Variants in NACA observed in about 807,000 individuals in gnomAD.
The protein encoded by NACA is nascent polypeptide associated complex subunit alpha, also known as nascent polypeptide-associated complex subunit alpha.
In NACA, 42 loss-of-function variants were observed where a neutral mutation model predicts 86.4. The ratio of observed to expected loss-of-function variants is 0.49; its 90% CI spans 0.38 to 0.63. NACA has a LOEUF of 0.63. Among genes scored for constraint, NACA ranks in the 20% least tolerant of loss-of-function variants. The probability of loss-of-function intolerance (pLI) is 0.00; values close to 1 mark genes in which losing one functional copy is unlikely to be tolerated. For synonymous variants in NACA, 898 were observed against 973.7 expected, an observed-to-expected ratio of 0.92 and a Z score of 1.45; for missense variants, 2,157 against 2,483.6, an observed-to-expected ratio of 0.87 and a Z score of 2.80.
Position 56,717,338 on chromosome 12 carries a change from G to A in NACA, c.4192C>T (p.Pro1398Ser), listed in dbSNP as rs745686231. 8 of 1,360,324 alleles carry A rather than the reference G, an allele frequency of 5.9e-6. No individual in the cohort carries two copies. The highest frequency in any genetic ancestry group is 3.0e-5 in the African/African-American group (2 of 67,298). 84.3% of individuals were successfully genotyped at this position (1,360,324 alleles called of 1,614,324 possible). A position where few individuals can be genotyped will look rare whatever the true frequency, so the allele number is the denominator to read the frequency against. The change falls in exon 3 of 9, where the codon CCC becomes TCC. Residue 1398 changes from proline to serine, a missense_variant. Physicochemically the swap from Pro to Ser is moderately conservative, Grantham distance 74. This residue lies in a region of NACA where 797 missense variants were observed against 777.6 expected (regional missense o/e 1.02). Transcript: ENST00000454682. ...SPKRGPAIPSPKGDPTSPAVI... is the reference protein window; with the variant it reads ...SPKRGPAIPSSKGDPTSPAVI... ...GCTGGGGAAGTGGGGTCCCCTTTGG[G>A]AGATGGGATAGCTGGTCCTCTTTTG...
intron 6 of NACA, 147 bp from the exon 7 acceptor site, chr12:56,713,337 G>GT (rs1953266701): frequency 1.9e-5 from 23 of 1,241,594 alleles, no homozygotes; most frequent in Non-Finnish European, 2.2e-5. Flanking sequence ...AAGAGTAGTT[G>GT]TTTAGGTTTA....
In NACA at chr12:56,719,768, C is replaced by G. The variant is rs200942655; in HGVS notation, c.1762G>C (p.Ala588Pro). The change falls in exon 3 of 9, where the codon GCC becomes CCC. Residue 588 changes from alanine (A) to proline (P), a missense_variant. Ala to Pro is a conservative substitution (Grantham distance 27). Around this residue, in one of 8 missense-constraint regions of NACA, gnomAD observed 947 missense variants for 917.9 expected, o/e 1.03. Transcript: ENST00000454682. ...CCAAGGCTTTTCTTTGCTAGGGTGG[C>G]TTCAGGAGAAAGAGGTATCTCTGGA... is the stretch of plus-strand genomic sequence containing the variant. ...SSPEIPLSPEATLAKKSLGEP... is the reference protein window; with the variant it reads ...SSPEIPLSPEPTLAKKSLGEP... 203 of 1,613,806 alleles carry G rather than the reference C, an allele frequency of 1.3e-4. No homozygotes were observed. In the African/African-American group the frequency reaches 2.0e-3, roughly 16 times the overall value.
chr12:56,720,304 G>A lies in NACA; in HGVS notation c.1226C>T (p.Pro409Leu), dbSNP rs371470990. 5.6e-5 allele frequency: 90 copies of A among 1,613,746 alleles called. No homozygotes were observed. The highest frequency in any genetic ancestry group is 7.5e-5 in the Non-Finnish European group (88 of 1,179,832). ...LNVATSFSLS[P>L]TTSLILKSSP... ...GCTTTTGAGAATGAGAGAGGTTGTA[G>A]GAGATAATGAAAAAGAGGTAGCTAC... Residue 409 changes from proline to leucine, a missense_variant, in exon 3 of 9, where the codon CCT becomes CTT. Pro to Leu is a moderately conservative substitution (Grantham distance 98). This residue lies in a region of NACA where 947 missense variants were observed against 917.9 expected (regional missense o/e 1.03). Transcript: ENST00000454682.
chr12:56,715,467 T>C (rs1046687420), intron 3 of NACA, among the ~76,000 whole-genome samples: 6 of 152,156 alleles, frequency 3.9e-5, no homozygotes, highest in African/African-American at 1.2e-4. Context: ...TAAATACAAA[T>C]AGTTCAATTC....
chr12:56,720,193 G>C lies in NACA; in HGVS notation c.1337C>G (p.Pro446Arg), dbSNP rs945790830. 2 of 1,613,978 alleles carry C rather than the reference G, an allele frequency of 1.2e-6. No homozygotes were observed. The highest frequency in any genetic ancestry group is 1.7e-6 in the Non-Finnish European group (2 of 1,179,894). ...AGTAGGTGCTGCAGCAATTGTACAG[G>C]GGTTAGTCACCACAAGTGGGGTGGT... is the stretch of plus-strand genomic sequence containing the variant. ...VGTTPLVVTN[P>R]CTIAAAPTTT... Residue 446 changes from proline (P) to arginine (R), a missense_variant, in exon 3 of 9, where the codon CCC becomes CGC. This residue lies in a region of NACA where 947 missense variants were observed against 917.9 expected (regional missense o/e 1.03). Transcript: ENST00000454682.
rs1000587627 is a variant in NACA at position 56,712,453 on chromosome 12, CTTTA to C, written c.*81_*84del. The C allele has an allele frequency of 1.2e-4, 168 of 1,406,650 alleles. No individual in the cohort carries two copies. The highest frequency in any genetic ancestry group is 1.6e-4 in the Non-Finnish European group (158 of 1,009,862). 87.1% of individuals were successfully genotyped at this position (1,406,650 alleles called of 1,614,324 possible). On this transcript the variant is annotated 3_prime_UTR_variant, in exon 9 of 9. Transcript: ENST00000454682. ...GAATTCATCCAACAAGAAGCCATAA[CTTTA>C]TTTATGATAGAAACAGTACAAATTT...
chr12:56,718,787 A>T lies in NACA; in HGVS notation c.2743T>A (p.Ser915Thr). The change falls in exon 3 of 9, where the codon TCT (serine) becomes ACT (threonine). Residue 915 changes from serine (S) to threonine (T), a missense_variant. By Grantham distance (58) the Ser-to-Thr change is moderately conservative. Transcript: ENST00000454682. Reference protein sequence around the residue: ...PKQAPALSMTSSSPKKARATP... With the variant: ...PKQAPALSMTTSSPKKARATP... ...GCTCGGGCCTTTTTGGGGGAGGAAG[A>T]AGTCATGGATAGAGCAGGAGCCTGT... 1 of 1,443,390 alleles carries T rather than the reference A, an allele frequency of 6.9e-7. No individual in the cohort carries two copies. Among genetic ancestry groups the T allele is most frequent in the Non-Finnish European group, 9.3e-7 (1 of 1,070,314 alleles). The allele number at this position is 1,443,390 out of a possible 1,614,324, so 89.4% of individuals were successfully genotyped here.
Position 56,717,471 on chromosome 12 carries a change from A to C in NACA, c.4059T>G (p.Thr1353=). 7.7e-7 allele frequency: 1 copy of C among 1,293,466 alleles called. No homozygotes were observed. 80.1% of individuals were successfully genotyped at this position (1,293,466 alleles called of 1,614,324 possible). A position where few individuals can be genotyped will look rare whatever the true frequency, so the allele number is the denominator to read the frequency against. The change falls in exon 3 of 9, where the codon ACT becomes ACG. Residue 1353 remains threonine, a synonymous_variant. Coordinates refer to ENST00000454682, the MANE Select transcript of NACA (RefSeq NM_001365896.1). Reference sequence around the variant, plus strand: ...TAGTTGGGCCTCCTTTAGAGGAGGGAGTTGTAGCTGGGAGAGTAGGGGTCC... The same window carrying C: ...TAGTTGGGCCTCCTTTAGAGGAGGGCGTTGTAGCTGGGAGAGTAGGGGTCC... The part of the protein sequence containing the change: ...PKGTPTLPAT[T]PSSKGGPTTP...
chr12:56,713,369 G>GGGTA (rs1400717873), intron 6 of NACA, 168 bp downstream of exon 6: 7 of 1,187,134 alleles, frequency 5.9e-6, no homozygotes, highest in Non-Finnish European at 8.2e-6. Flanking sequence ...CTCAACTAGG[G>GGGTA]GGTAGTTAGG....
intron 1 of NACA, chr12:56,725,052 G>C (rs1953678080): frequency 6.5e-6 from 1 of 152,954 alleles, no homozygotes; most frequent in Non-Finnish European, 1.5e-5. Context: ...CTGCAGGCTC[G>C]GATTCTGGGC....
chr12:56,722,145 A>G (rs138027303), intron 2 of NACA, among the ~76,000 whole-genome samples: 2 of 152,360 alleles, frequency 1.3e-5, no homozygotes, highest in East Asian at 3.9e-4. Flanking sequence ...ATCAAGTATT[A>G]AAGTCACTTA....
At position 56,720,043 on chromosome 12, in the gene NACA, TGAGTAGAAGGCTCTTTGG is replaced by T; in HGVS notation, c.1469_1486del (p.Pro490_Thr495del). ...TGGTATCCTCAGAGTGGTTGCTACT[TGAGTAGAAGGCTCTTTGG>T]GAGCCACAGGTGCCATAACCAAGGC... On this transcript the variant is annotated inframe_deletion, in exon 3 of 9. Transcript: ENST00000454682. 6.2e-7 allele frequency: 1 copy of T among 1,613,666 alleles called. No homozygotes were observed. The highest frequency in any genetic ancestry group is 8.5e-7 in the Non-Finnish European group (1 of 1,179,806).
intron 2 of NACA, among the ~76,000 whole-genome samples, chr12:56,723,105 G>A (rs916871693): frequency 6.6e-6 from 1 of 152,134 alleles, no homozygotes. Context: ...TCTTCTGACT[G>A]GACCTCAAAT....
chr12:56,719,402 C>A lies in NACA; in HGVS notation c.2128G>T (p.Val710Leu), dbSNP rs543390709. The A allele has an allele frequency of 6.2e-7, 1 of 1,611,924 alleles. No homozygotes were observed. The highest frequency in any genetic ancestry group is 1.3e-5 in the African/African-American group (1 of 74,888). The change falls in exon 3 of 9, where the codon GTG becomes TTG. Residue 710 changes from valine to leucine, a missense_variant. Physicochemically the swap from Val to Leu is conservative, Grantham distance 32 (BLOSUM62 1). Transcript: ENST00000454682. ...CAGGTATTCTGGGGGGATGGAGCCA[C>A]AGGGCAATTTTCTGAAGCTGTAGGA... ...LVPTASENCP[V>L]APSPQNTCAP... is the part of the protein sequence containing the mutation.
In NACA at chr12:56,720,863, T is replaced by C. The variant is rs372259757; in HGVS notation, c.667A>G (p.Ile223Val). The change falls in exon 3 of 9, where the codon ATT (isoleucine) becomes GTT (valine). Residue 223 changes from isoleucine to valine, a missense_variant. Ile to Val is a conservative substitution (Grantham distance 29, BLOSUM62 3). Coordinates refer to ENST00000454682, the MANE Select transcript of NACA (RefSeq NM_001365896.1). Reference protein sequence around the residue: ...PYHCVTPMASIQSGVASLPQT... With the variant: ...PYHCVTPMASVQSGVASLPQT... ...GGAAGGGAGGCCACTCCAGATTGAA[T>C]AGAGGCCATGGGAGTCACACAGTGG... The C allele has an allele frequency of 1.2e-4, 191 of 1,613,752 alleles. No individual in the cohort carries two copies. Among genetic ancestry groups the C allele is most frequent in the Non-Finnish European group, 1.5e-4 (182 of 1,179,858 alleles).
rs1449828929 is a variant in NACA at position 56,719,913 on chromosome 12, A to G, written c.1617T>C (p.Leu539=). 2.5e-6 allele frequency: 4 copies of G among 1,613,916 alleles called. No homozygotes were observed. The highest frequency in any genetic ancestry group is 3.4e-6 in the Non-Finnish European group (4 of 1,179,862). ...QKDLQTVPAS[L]EGAPFSPAQA... ...GGGCTGGAGAGAAAGGGGCTCCTTC[A>G]AGAGAGGCAGGTACAGTTTGGAGGT... The change falls in exon 3 of 9, where the codon CTT becomes CTC. Residue 539 remains leucine (L), a synonymous_variant. Coordinates refer to ENST00000454682, the MANE Select transcript of NACA (RefSeq NM_001365896.1).
chr12:56,718,905 G>C lies in NACA; in HGVS notation c.2625C>G (p.Pro875=). 1 of 1,430,994 alleles carries C rather than the reference G, an allele frequency of 7.0e-7. No homozygotes were observed. Among genetic ancestry groups the C allele is most frequent in the African/African-American group, 1.4e-5 (1 of 70,288 alleles). The allele number at this position is 1,430,994 out of a possible 1,614,324, so 88.6% of individuals were successfully genotyped here. A position where few individuals can be genotyped will look rare whatever the true frequency, so the allele number is the denominator to read the frequency against. The change falls in exon 3 of 9, where the codon CCC becomes CCG. Residue 875 remains proline (P), a synonymous_variant. Transcript: ENST00000454682. The part of the protein sequence containing the change: ...PTPSAVTPLS[P]KGVTLPPKET... ...CTTTGGGGGGTAGTGTTACTCCTTT[G>C]GGAGACAGAGGAGTCACAGCTGAGG...
At position 56,719,872 on chromosome 12, in the gene NACA, G is replaced by C; in HGVS notation, c.1658C>G (p.Thr553Ser). 6.2e-7 allele frequency: 1 copy of C among 1,613,916 alleles called. No individual in the cohort carries two copies. The highest frequency in any genetic ancestry group is 1.3e-5 in the African/African-American group (1 of 75,006). ...CGGTAATACAGTAGGGTCTTTCTTG[G>C]TGGTGAGTCCTGCTTGGGCTGGAGA... is the stretch of plus-strand genomic sequence containing the variant. Reference protein sequence around the residue: ...PFSPAQAGLTTKKDPTVLPLV... With the variant: ...PFSPAQAGLTSKKDPTVLPLV... Residue 553 changes from threonine to serine, a missense_variant, in exon 3 of 9, where the codon ACC (threonine) becomes AGC (serine). By Grantham distance (58) the Thr-to-Ser change is moderately conservative. This residue lies in a region of NACA where 947 missense variants were observed against 917.9 expected (regional missense o/e 1.03). Transcript: ENST00000454682.
In NACA at chr12:56,717,294, G is replaced by T; in HGVS notation, c.4236C>A (p.Pro1412=). Residue 1412 remains proline (P), a synonymous_variant, in exon 3 of 9, where the codon CCC becomes CCA. Coordinates refer to ENST00000454682, the MANE Select transcript of NACA (RefSeq NM_001365896.1). ...TGACTGGAGTTGCTGGAGCCTTTTTGGGGGAGAGAGGAATCACTGCTGGGG... is the reference window on the plus strand; with the variant it reads ...TGACTGGAGTTGCTGGAGCCTTTTTTGGGGAGAGAGGAATCACTGCTGGGG... ...PTSPAVIPLS[P]KKAPATPVTR... is the part of the protein sequence containing the mutation. 7.4e-7 allele frequency: 1 copy of T among 1,343,536 alleles called. No homozygotes were observed. The highest frequency in any genetic ancestry group is 9.7e-7 in the Non-Finnish European group (1 of 1,025,758). The allele number at this position is 1,343,536 out of a possible 1,614,324, so 83.2% of individuals were successfully genotyped here. A position where few individuals can be genotyped will look rare whatever the true frequency, so the allele number is the denominator to read the frequency against.
Sources: allele counts gnomAD v4.1 joint callset (sites outside exome capture counted in the v4.1 genomes callset), GRCh38; gene constraint gnomAD v4.1.1; regional missense constraint gnomAD v4.1.1; transcripts MANE v1.5; gene names NCBI Gene and HGNC (gene_info 2026-07-23, HGNC 2026-07-21).